TSNARE1: variants seen among roughly 807,000 people sequenced by gnomAD.
The protein encoded by TSNARE1 is t-SNARE domain-containing protein 1.
A neutral mutation model predicts 62.0 loss-of-function variants in TSNARE1; 49 were observed. The observed-to-expected ratio is 0.79, with a 90% CI of 0.63 to 1.00. TSNARE1 has a LOEUF of 1.00. Ranked by LOEUF, TSNARE1 falls within the 50% of genes least tolerant of loss-of-function variation. TSNARE1 has a pLI of 0.00. For synonymous variants in TSNARE1, 328 were observed against 294.4 expected (o/e 1.11, Z -1.17); for missense variants, 755 against 700.1 (o/e 1.08, Z -0.88).
chr8:142,373,970 G>A (rs1402962821), intron 1 of TSNARE1, among the ~76,000 whole-genome samples: 1 of 152,168 alleles, frequency 6.6e-6, no homozygotes, highest in Non-Finnish European at 1.5e-5. Context: ...GGAGCAAAGG[G>A]GAAGTCTCCA....
intron 1 of TSNARE1, among the ~76,000 whole-genome samples, chr8:142,376,813 C>T (rs898699257): frequency 5.9e-5 from 9 of 152,126 alleles, no homozygotes; most frequent in African/African-American, 2.2e-4. Flanking sequence ...AAGCGTGTGC[C>T]GAGCCATCAG....
At chr8:142,309,762 G>A (rs1827275825) in intron 9 of TSNARE1, among the ~76,000 whole-genome samples, 1 of 152,146 alleles carries the variant, frequency 6.6e-6, no homozygotes. Flanking sequence ...GGCCTCATGA[G>A]GCAGGCAAGG....
chr8:142,318,982 G>A lies in TSNARE1; in HGVS notation c.894-348C>T, dbSNP rs533659427. 9.2e-5 allele frequency among the ~76,000 whole-genome samples: 14 copies of A among 151,798 alleles called. 1 individual carries two copies. In the South Asian group the frequency reaches 2.9e-3, roughly 32 times the overall value. On this transcript the variant is annotated intron_variant, in intron 6 of 13. Coordinates refer to ENST00000524325, the MANE Select transcript of TSNARE1 (RefSeq NM_145003.5). ...ACCCAGCAAGAGACGGGGGAGACGG[G>A]CAGACACCCAGCAAGAGACGGGGGA...
intron 10 of TSNARE1, among the ~76,000 whole-genome samples, chr8:142,285,201 C>CA (rs1822480049): frequency 8.0e-6 from 1 of 124,794 alleles, no homozygotes; most frequent in Admixed American, 8.0e-5. Flanking sequence ...GGTGGATGGG[C>CA]GAGTGGATGG....
chr8:142,259,404 C>T (rs1162923768), intron 12 of TSNARE1, among the ~76,000 whole-genome samples: 4 of 152,192 alleles, frequency 2.6e-5, no homozygotes, highest in Non-Finnish European at 5.9e-5. Flanking sequence ...CTGAGAGGGC[C>T]GAGTTCAGAC....
chr8:142,370,452 T>C (rs559710849), intron 1 of TSNARE1, among the ~76,000 whole-genome samples: 10 of 152,186 alleles, frequency 6.6e-5, no homozygotes, highest in African/African-American at 1.9e-4. Flanking sequence ...CAATGATATG[T>C]GCCCAGCTAC....
At chr8:142,371,726 G>A (rs990405885) in intron 1 of TSNARE1, among the ~76,000 whole-genome samples, 6 of 152,062 alleles carry the variant, frequency 3.9e-5, no homozygotes, top group African/African-American at 1.2e-4. Flanking sequence ...GTATACTTAA[G>A]GTATGTGTCT....
intron 13 of TSNARE1, among the ~76,000 whole-genome samples, chr8:142,227,344 ATCCTGCC>A (rs1563761210): frequency 1.6e-4 from 13 of 80,418 alleles, no homozygotes; most frequent in African/African-American, 1.4e-3. Context: ...CAGGACCCCC[ATCCTGCC>A]CATAGCCCCA....
chr8:142,218,381 CCACTTTGTGGGCTCCCTGGAGCTT>C (rs1361561796), intron 13 of TSNARE1, among the ~76,000 whole-genome samples: 2 of 152,214 alleles, frequency 1.3e-5, no homozygotes, highest in Non-Finnish European at 2.9e-5. Flanking sequence ...GAGGGCCAGA[CCACTTTGTGGGCTCCCTGGAGCTT>C]CACTGTGTGG....
At position 142,345,839 on chromosome 8, in the gene TSNARE1, G is replaced by A; in HGVS notation, c.142C>T (p.Pro48Ser). The part of the protein sequence containing the change: ...YGIRHFPCPS[P>S]ESKLQNRCVG... ...CAGCGGTTCTGCAGCTTGCTCTCTGGCGACGGGCAGGGGAAATGGCGGATT... is the reference window on the plus strand; with the variant it reads ...CAGCGGTTCTGCAGCTTGCTCTCTGACGACGGGCAGGGGAAATGGCGGATT... The change falls in exon 3 of 14, where the codon CCA becomes TCA. Residue 48 changes from proline (P) to serine (S), a missense_variant. By Grantham distance (74) the Pro-to-Ser change is moderately conservative. Transcript: ENST00000524325. 1 of 1,613,966 alleles carries A rather than the reference G, an allele frequency of 6.2e-7. No individual in the cohort carries two copies. The highest frequency in any genetic ancestry group is 1.7e-4 in the Middle Eastern group (1 of 6,060).
intron 9 of TSNARE1, among the ~76,000 whole-genome samples, chr8:142,305,258 T>C (rs183556837): frequency 6.8e-6 from 1 of 146,776 alleles, no homozygotes; most frequent in East Asian, 2.1e-4. Flanking sequence ...CAGGCACCCA[T>C]GGAGACCTGC....
At chr8:142,393,361 G>A (rs1433873424) in intron 1 of TSNARE1, among the ~76,000 whole-genome samples, 2 of 152,200 alleles carry the variant, frequency 1.3e-5, no homozygotes, top group Admixed American at 6.5e-5. Context: ...GGTAGGCTTC[G>A]CTGAAACGGG....
chr8:142,358,531 G>A (rs1019036170), intron 1 of TSNARE1, among the ~76,000 whole-genome samples: 3 of 151,942 alleles, frequency 2.0e-5, no homozygotes, highest in Non-Finnish European at 2.9e-5. Context: ...CTGCTCCACC[G>A]CCACCAAAGA....
chr8:142,227,020 C>T (rs372054894), intron 13 of TSNARE1, among the ~76,000 whole-genome samples: 9 of 101,972 alleles, frequency 8.8e-5, no homozygotes, highest in African/African-American at 3.7e-4. Context: ...GACAGCCAAG[C>T]CCCCCACTGC....
chr8:142,331,695 G>T, intron 5 of TSNARE1, 59 bp downstream of exon 5: 1 of 1,495,076 alleles, frequency 6.7e-7, no homozygotes, highest in Non-Finnish European at 9.1e-7. Flanking sequence ...CTCCAATGTC[G>T]CATCAGTGGT....
At chr8:142,340,118 G>C (rs570793959) in intron 4 of TSNARE1, among the ~76,000 whole-genome samples, 47 of 152,198 alleles carry the variant, frequency 3.1e-4, no homozygotes, top group South Asian at 1.7e-3. Flanking sequence ...CATCAGGAAG[G>C]AGGCGTCCAT....
intron 11 of TSNARE1, among the ~76,000 whole-genome samples, chr8:142,282,733 C>T (rs1422477830): frequency 7.8e-6 from 1 of 127,568 alleles, no homozygotes; most frequent in Non-Finnish European, 1.6e-5. Context: ...GGGGAGGCCA[C>T]TGTCTGTCTA....
At chr8:142,282,969 C>CT (rs1236768890) in intron 11 of TSNARE1, among the ~76,000 whole-genome samples, 5 of 150,132 alleles carry the variant, frequency 3.3e-5, no homozygotes, top group African/African-American at 1.2e-4. Flanking sequence ...AGGCCACTGT[C>CT]TGTCTAAGGG....
chr8:142,268,449 G>A (rs1293632715), intron 12 of TSNARE1, among the ~76,000 whole-genome samples: 5 of 152,206 alleles, frequency 3.3e-5, no homozygotes, highest in Admixed American at 2.6e-4. Context: ...TGGCTGCAGT[G>A]ATTACTGCCA....
Sources: gnomAD v4.1 joint callset for allele counts (sites outside exome capture counted in the v4.1 genomes callset) on GRCh38, gnomAD v4.1.1 for gene constraint, MANE v1.5 for transcripts, NCBI Gene and HGNC (gene_info 2026-07-23, HGNC 2026-07-21) for gene names.